FGF14: variants seen among roughly 807,000 people sequenced by gnomAD.
FGF14 encodes the protein fibroblast growth factor homologous factor 4.
A neutral mutation model predicts 25.5 loss-of-function variants in FGF14; 5 were observed. The observed-to-expected ratio is 0.20, with a 90% CI of 0.10 to 0.41. FGF14 has a LOEUF of 0.41. Among genes scored for constraint, FGF14 ranks in the 10% least tolerant of loss-of-function variants. The pLI is 1.00. For synonymous variants in FGF14, 138 were observed against 118.3 expected (o/e 1.17, Z -1.08); for missense variants, 222 against 320.1 (o/e 0.69, Z 2.34).
chr13:101,852,587 C>A (rs2043912577), intron 3 of FGF14, among the ~76,000 whole-genome samples: 1 of 135,456 alleles, frequency 7.4e-6, no homozygotes, highest in Non-Finnish European at 1.7e-5. Context: ...TAAATACATC[C>A]TTTCTTTAAG....
intron 3 of FGF14, among the ~76,000 whole-genome samples, chr13:101,825,737 C>T (rs369126710): frequency 3.9e-5 from 6 of 151,976 alleles, no homozygotes; most frequent in African/African-American, 1.5e-4. Context: ...GTAGATGGGG[C>T]AGGGGCTATT....
chr13:101,963,707 T>C (rs1210737099), intron 1 of FGF14, among the ~76,000 whole-genome samples: 6 of 152,230 alleles, frequency 3.9e-5, no homozygotes, highest in Non-Finnish European at 7.3e-5. Context: ...AGTAGCATCA[T>C]TGAACTCATT....
chr13:102,265,986 G>A (rs2052971788), intron 1 of FGF14, among the ~76,000 whole-genome samples: 1 of 151,896 alleles, frequency 6.6e-6, no homozygotes, highest in Non-Finnish European at 1.5e-5. Flanking sequence ...AATTACAATT[G>A]CAATGAAATT....
intron 3 of FGF14, among the ~76,000 whole-genome samples, chr13:101,812,825 C>G (rs920610825): frequency 6.6e-6 from 1 of 151,114 alleles, no homozygotes; most frequent in Non-Finnish European, 1.5e-5. Flanking sequence ...TGCCACCACA[C>G]CCAGCTACTT....
At chr13:101,820,398 A>G (rs1273940019) in intron 3 of FGF14, among the ~76,000 whole-genome samples, 1 of 152,228 alleles carries the variant, frequency 6.6e-6, no homozygotes, top group Admixed American at 6.5e-5. Context: ...GTTGGCTGAT[A>G]ACAAAATTAA....
At chr13:101,963,049 C>G (rs919322166) in intron 1 of FGF14, among the ~76,000 whole-genome samples, 3 of 152,340 alleles carry the variant, frequency 2.0e-5, no homozygotes. Context: ...CATTGAAAGT[C>G]TCCCGTTACT....
rs557935456 is a variant in FGF14 at position 102,372,672 on chromosome 13, T to G, written c.208+28799A>C. 1.3e-3 allele frequency among the ~76,000 whole-genome samples: 200 copies of G among 152,230 alleles called. 1 individual carries two copies. The highest frequency in any genetic ancestry group is 6.8e-3 in the Middle Eastern group (2 of 294). Reference sequence around the variant, plus strand: ...ATCATGTCTCAGAATAGTTTTTTTTTTATAAAGGAGCATACAGATGATGTT... The same window carrying G: ...ATCATGTCTCAGAATAGTTTTTTTTGTATAAAGGAGCATACAGATGATGTT... On this transcript the variant is annotated intron_variant, in intron 1 of 4. Coordinates refer to the FGF14 transcript ENST00000376131.
At chr13:102,063,063 A>G (rs898643730) in intron 1 of FGF14, among the ~76,000 whole-genome samples, 8 of 152,166 alleles carry the variant, frequency 5.3e-5, no homozygotes, top group Non-Finnish European at 1.2e-4. Context: ...TAAAATAATG[A>G]GGGTTATGAA....
At chr13:101,753,830 T>C (rs1313048906) in intron 3 of FGF14, among the ~76,000 whole-genome samples, 1 of 151,912 alleles carries the variant, frequency 6.6e-6, no homozygotes, top group Non-Finnish European at 1.5e-5. Context: ...TTTCCTTGTT[T>C]ATCTCAACAG....
chr13:101,963,492 C>T (rs1298457181), intron 1 of FGF14, among the ~76,000 whole-genome samples: 2 of 152,138 alleles, frequency 1.3e-5, no homozygotes, highest in Non-Finnish European at 2.9e-5. Flanking sequence ...ATGCTCATTC[C>T]CATCCTTAAC....
chr13:102,381,042 CA>C (rs2058171756), intron 1 of FGF14, among the ~76,000 whole-genome samples: 1 of 152,114 alleles, frequency 6.6e-6, no homozygotes, highest in Admixed American at 6.6e-5. Context: ...TACAGTTGGG[CA>C]AAATCATCTA....
intron 1 of FGF14, among the ~76,000 whole-genome samples, chr13:101,925,136 A>G (rs1424466989): frequency 1.3e-5 from 2 of 152,378 alleles, no homozygotes; most frequent in Admixed American, 6.5e-5. Flanking sequence ...TTTTCTGACT[A>G]TAAAAGTACA....
At chr13:102,401,612 G>T (rs576564677) in exon 1 of FGF14, 1 of 1,614,004 alleles carries the variant, frequency 6.2e-7, no homozygotes, top group African/African-American at 1.3e-5. Context: ...AGAAAGAAGA[G>T]ATCCTTGTGG....
At chr13:101,910,478 G>A (rs555261874) in intron 1 of FGF14, among the ~76,000 whole-genome samples, 13 of 152,158 alleles carry the variant, frequency 8.5e-5, no homozygotes, top group African/African-American at 1.9e-4. Flanking sequence ...TGGTGATGCC[G>A]TATGGGTTCC....
chr13:101,829,861 G>A (rs917833029), intron 3 of FGF14, among the ~76,000 whole-genome samples: 9 of 151,962 alleles, frequency 5.9e-5, no homozygotes, highest in Non-Finnish European at 1.0e-4. Context: ...ATATGAGGTG[G>A]GCTCTTCACC....
At chr13:102,113,972 T>A (rs1279846630) in intron 1 of FGF14, among the ~76,000 whole-genome samples, 1 of 152,164 alleles carries the variant, frequency 6.6e-6, no homozygotes, top group African/African-American at 2.4e-5. Flanking sequence ...TGATTTTACC[T>A]CAAGGTGAGA....
chr13:101,881,115 G>A (rs928764522), intron 1 of FGF14, among the ~76,000 whole-genome samples: 3 of 152,180 alleles, frequency 2.0e-5, no homozygotes, highest in African/African-American at 7.2e-5. Context: ...TAAGAATCCT[G>A]CTTAATACTT....
At chr13:101,851,157 C>A (rs2043824690) in intron 3 of FGF14, among the ~76,000 whole-genome samples, 1 of 151,884 alleles carries the variant, frequency 6.6e-6, no homozygotes, top group Non-Finnish European at 1.5e-5. Flanking sequence ...GGGCCCTAAT[C>A]CAATATGTCT....
At chr13:102,189,007 AGAGAAAGAAT>A (rs370637942) in intron 1 of FGF14, among the ~76,000 whole-genome samples, 28 of 82,024 alleles carry the variant, frequency 3.4e-4, no homozygotes, top group South Asian at 7.5e-4. Flanking sequence ...AAAGAAAGAA[AGAGAAAGAAT>A]GAAAGAAGAA....
Sources: allele counts gnomAD v4.1 joint callset (sites outside exome capture counted in the v4.1 genomes callset), GRCh38; gene constraint gnomAD v4.1.1; transcripts MANE v1.5; gene names NCBI Gene and HGNC (gene_info 2026-07-23, HGNC 2026-07-21).